UBASH3B: variants seen among roughly 807,000 people sequenced by gnomAD.
UBASH3B encodes ubiquitin-associated and SH3 domain-containing protein B.
UBASH3B carries 37 observed loss-of-function variants against 83.4 expected under a neutral mutation model. The ratio of observed to expected loss-of-function variants is 0.44; its 90% CI spans 0.34 to 0.58. The LOEUF (loss-of-function observed/expected upper bound fraction) is 0.58, where lower values mean the gene tolerates loss of function less well. UBASH3B is among the 20% of genes least tolerant of loss of function. UBASH3B has a pLI of 0.01. For missense variants in UBASH3B, 657 were observed against 827.2 expected (o/e 0.79, Z 2.52); for synonymous variants, 304 against 318.3 (o/e 0.96, Z 0.48).
Position 122,813,242 on chromosome 11 carries a change from C to T in UBASH3B, c.*3356C>T, listed in dbSNP as rs1359299437. 6.6e-6 allele frequency: 1 copy of T among 152,120 alleles called. No individual in the cohort carries two copies. Among genetic ancestry groups the T allele is most frequent in the Non-Finnish European group, 1.5e-5 (1 of 68,028 alleles). 9.4% of individuals were successfully genotyped at this position (152,120 alleles called of 1,614,324 possible). ...AACATTACCATAAGTGTGTCTTTTC[C>T]ACTCAACTAGCTGTATTCGTATTAA... On this transcript the variant is annotated 3_prime_UTR_variant, in exon 14 of 14. Transcript: ENST00000284273.
Position 122,738,626 on chromosome 11 carries a change from C to T in UBASH3B, c.162-37593C>T, listed in dbSNP as rs147035779. Reference sequence around the variant, plus strand: ...ACATTCATCCAGGCACAGTGGCTCACGCCTGTAATCCTAGCACTTTGTGAG... The same window carrying T: ...ACATTCATCCAGGCACAGTGGCTCATGCCTGTAATCCTAGCACTTTGTGAG... On this transcript the variant is annotated intron_variant, in intron 1 of 13. Transcript: ENST00000284273. 1.4e-3 allele frequency among the ~76,000 whole-genome samples: 210 copies of T among 152,278 alleles called. 2 individuals are homozygous for T. The highest frequency in any genetic ancestry group is 4.8e-3 in the African/African-American group (199 of 41,548).
intron 11 of UBASH3B, among the ~76,000 whole-genome samples, chr11:122,802,080 G>T (rs1036989628): frequency 1.3e-5 from 2 of 152,130 alleles, no homozygotes; most frequent in African/African-American, 4.8e-5. Flanking sequence ...ACTCTGGGAG[G>T]CCGAGGCAGG....
At position 122,809,654 on chromosome 11, in the gene UBASH3B, T is replaced by C; in HGVS notation, c.1813-95T>C. 1.5e-5 allele frequency: 20 copies of C among 1,359,310 alleles called. No homozygotes were observed. The Middle Eastern group carries it at 6.9e-4, about 47-fold the overall frequency. 84.2% of individuals were successfully genotyped at this position (1,359,310 alleles called of 1,614,324 possible). On this transcript the variant is annotated intron_variant, in intron 13 of 13. Transcript: ENST00000284273. ...GCCACTATCCATTTCTGACTGCAAT[T>C]CTCTAGGGCCACATGAATATCTTTG...
chr11:122,774,593 G>A (rs1257605572), intron 1 of UBASH3B, among the ~76,000 whole-genome samples: 3 of 152,182 alleles, frequency 2.0e-5, no homozygotes, highest in African/African-American at 7.2e-5. Flanking sequence ...AGAAGGGTAG[G>A]ACAAGGAAGG....
At chr11:122,723,958 T>C (rs899828407) in intron 1 of UBASH3B, among the ~76,000 whole-genome samples, 14 of 152,210 alleles carry the variant, frequency 9.2e-5, no homozygotes, top group African/African-American at 3.4e-4. Flanking sequence ...TCTGTGTCAT[T>C]GGGAGCTCCC....
chr11:122,711,253 T>C (rs1864187049), intron 1 of UBASH3B, among the ~76,000 whole-genome samples: 1 of 152,094 alleles, frequency 6.6e-6, no homozygotes, highest in Non-Finnish European at 1.5e-5. Flanking sequence ...TTTTTGGGGG[T>C]CCCCCATCTC....
rs1468432021 is a variant in UBASH3B, at chr11:122,658,213, G to T, written c.161+2003G>T. 3.3e-5 allele frequency among the ~76,000 whole-genome samples: 5 copies of T among 151,996 alleles called. No individual in the cohort carries two copies. The East Asian group carries it at 9.7e-4, about 29-fold the overall frequency. ...AAAAAAAAGCTGGAGGTGGGAGTGGGGAAGTCAGCTGGGGAATGCTGCAGA... is the reference window on the plus strand; with the variant it reads ...AAAAAAAAGCTGGAGGTGGGAGTGGTGAAGTCAGCTGGGGAATGCTGCAGA... On this transcript the variant is annotated intron_variant, in intron 1 of 13. Coordinates refer to ENST00000284273, the MANE Select transcript of UBASH3B (RefSeq NM_032873.5).
intron 7 of UBASH3B, 96 bp from the exon 8 acceptor site, chr11:122,796,060 A>G (rs1861150138): frequency 1.3e-6 from 2 of 1,527,218 alleles, no homozygotes; most frequent in Admixed American, 3.5e-5. Context: ...CCTTGGCAGA[A>G]CTTTGGTAGT....
At chr11:122,767,152 C>G (rs562531094) in intron 1 of UBASH3B, among the ~76,000 whole-genome samples, 14 of 152,066 alleles carry the variant, frequency 9.2e-5, no homozygotes, top group African/African-American at 2.7e-4. Flanking sequence ...GTGGCTCATG[C>G]CTGTAATCCC....
intron 1 of UBASH3B, among the ~76,000 whole-genome samples, chr11:122,697,769 T>C (rs560716941): frequency 5.9e-5 from 9 of 152,286 alleles, no homozygotes; most frequent in African/African-American, 2.2e-4. Context: ...GATTGAGTCA[T>C]TGCGTTGCAC....
At chr11:122,684,645 G>A (rs148042998) in intron 1 of UBASH3B, among the ~76,000 whole-genome samples, 10 of 152,304 alleles carry the variant, frequency 6.6e-5, no homozygotes, top group Middle Eastern at 3.4e-3. Flanking sequence ...TTTCGCTCTT[G>A]TTGCCCAGGC....
intron 1 of UBASH3B, among the ~76,000 whole-genome samples, chr11:122,692,523 G>A (rs564829456): frequency 1.6e-3 from 250 of 152,338 alleles, no homozygotes; most frequent in Non-Finnish European, 3.2e-3. Context: ...TATTCAGGGG[G>A]TATGGTGGGA....
intron 12 of UBASH3B, among the ~76,000 whole-genome samples, chr11:122,807,633 C>T (rs1018711664): frequency 6.6e-6 from 1 of 152,122 alleles, no homozygotes; most frequent in African/African-American, 2.4e-5. Context: ...TCACTATAGC[C>T]TCAATCTCCT....
chr11:122,715,812 G>T (rs1392100971), intron 1 of UBASH3B, among the ~76,000 whole-genome samples: 1 of 152,230 alleles, frequency 6.6e-6, no homozygotes, highest in Non-Finnish European at 1.5e-5. Flanking sequence ...CAAAGAGAGA[G>T]GTCTCCAGCC....
intron 1 of UBASH3B, among the ~76,000 whole-genome samples, chr11:122,694,954 C>CTTTCTT (rs1863945047): frequency 2.0e-5 from 1 of 50,414 alleles, no homozygotes; most frequent in Non-Finnish European, 3.6e-5. Context: ...TCTTTTCTTT[C>CTTTCTT]TTTTTTTTTT....
chr11:122,760,751 G>T (rs1861358052), intron 1 of UBASH3B, among the ~76,000 whole-genome samples: 1 of 152,188 alleles, frequency 6.6e-6, no homozygotes, highest in Non-Finnish European at 1.5e-5. Context: ...AGGCCATGGA[G>T]GACTCAGCAT....
intron 1 of UBASH3B, among the ~76,000 whole-genome samples, chr11:122,748,261 G>A (rs1166741695): frequency 1.3e-5 from 2 of 152,250 alleles, no homozygotes; most frequent in South Asian, 2.1e-4. Flanking sequence ...TGGGAGTTGA[G>A]TAGCAGCTGC....
At chr11:122,777,310 G>A in intron 3 of UBASH3B, 100 bp downstream of exon 3, 1 of 1,311,274 alleles carries the variant, frequency 7.6e-7, no homozygotes, top group Non-Finnish European at 1.0e-6. Flanking sequence ...GAAGACAGCA[G>A]GAATAGTCAC....
Position 122,777,048 on chromosome 11 carries a change from C to T in UBASH3B, c.240C>T (p.Pro80=), listed in dbSNP as rs375847257. ...CDWLFSHVGD[P]FLDDPLPREY... is the part of the protein sequence containing the mutation. ...GGTTATTCTCCCATGTCGGTGACCC[C>T]TTCCTGGATGACCCCCTGCCCCGGG... The change falls in exon 3 of 14, where the codon CCC becomes CCT. Residue 80 remains proline, a synonymous_variant. Coordinates refer to ENST00000284273, the MANE Select transcript of UBASH3B (RefSeq NM_032873.5). The T allele has an allele frequency of 6.2e-7, 1 of 1,612,444 alleles. No individual in the cohort carries two copies. Among genetic ancestry groups the T allele is most frequent in the Non-Finnish European group, 8.5e-7 (1 of 1,179,224 alleles).
Sources: gnomAD v4.1 joint callset for allele counts (sites outside exome capture counted in the v4.1 genomes callset) on GRCh38, gnomAD v4.1.1 for gene constraint, MANE v1.5 for transcripts, NCBI Gene and HGNC (gene_info 2026-07-23, HGNC 2026-07-21) for gene names.